The following STT3A variants were observed in gnomAD, a reference collection of about 807,000 sequenced individuals.
STT3A encodes dolichyl-diphosphooligosaccharide--protein glycosyltransferase subunit STT3A.
In STT3A, 34 loss-of-function variants were observed where a neutral mutation model predicts 89.2. The ratio of observed to expected loss-of-function variants is 0.38; its 90% confidence interval spans 0.29 to 0.51. STT3A has a LOEUF of 0.51. Ranked by LOEUF, STT3A falls within the 20% of genes least tolerant of loss-of-function variation. The pLI is 0.89. For synonymous variants in STT3A, 282 were observed against 310.3 expected, an observed-to-expected ratio of 0.91 and a Z score of 0.96; for missense variants, 555 against 889.5, an observed-to-expected ratio of 0.62 and a Z score of 4.78.
In STT3A at chr11:125,596,010, G is replaced by T. The variant is rs79017058; in HGVS notation, c.88+7G>T. ...TCAATGGCTGCTGTATTATGTGAGT[G>T]TGCATGTGAACCTCTCTTTCTTTGG... On this transcript the variant is annotated splice_region_variant and intron_variant, in intron 2 of 17. Coordinates refer to ENST00000392708, the MANE Select transcript of STT3A (RefSeq NM_152713.5). 99,009 of 1,595,324 alleles carry T rather than the reference G, an allele frequency of 0.062. 3,474 individuals are homozygous for T. The highest frequency in any genetic ancestry group is 0.1 in the Middle Eastern group (626 of 6,014).
chr11:125,600,626 G>T lies in STT3A; in HGVS notation c.150-1677G>T, dbSNP rs994934003. Among the ~76,000 whole-genome samples, 5 of 152,040 alleles carry T rather than the reference G, an allele frequency of 3.3e-5. 1 individual carries two copies. In the South Asian group the frequency reaches 1.0e-3, roughly 32 times the overall value. On this transcript the variant is annotated intron_variant, in intron 3 of 17. Coordinates refer to ENST00000392708, the MANE Select transcript of STT3A (RefSeq NM_152713.5). ...GATCCACCTGCCTTGGCCTACTAAA[G>T]TATTGGGATTACAGGTGTTATCTAC... is the stretch of plus-strand genomic sequence containing the variant.
chr11:125,598,263 T>A (rs1939558415), intron 3 of STT3A, among the ~76,000 whole-genome samples: 1 of 151,874 alleles, frequency 6.6e-6, no homozygotes. Flanking sequence ...CTGGGAGTGG[T>A]TATCTAAGGT....
At position 125,618,601 on chromosome 11, in the gene STT3A, T is replaced by C. The variant is rs372878277; in HGVS notation, c.1963+40T>C. The C allele has an allele frequency of 3.3e-5, 51 of 1,555,834 alleles. 1 individual carries two copies. The highest frequency in any genetic ancestry group is 3.9e-5 in the Non-Finnish European group (44 of 1,138,738). ...ATAATATTAATAACAGTAGTAATAA[T>C]AGTGATTACTAATACACAGTATTTT... On this transcript the variant is annotated intron_variant, in intron 16 of 17. Transcript: ENST00000392708.
rs191649100 is a variant in STT3A at position 125,611,835 on chromosome 11, G to T, written c.1209+316G>T. Among the ~76,000 whole-genome samples, 29 of 143,820 alleles carry T rather than the reference G, an allele frequency of 2.0e-4. 1 individual carries two copies. Among genetic ancestry groups the T allele is most frequent in the African/African-American group, 6.9e-4 (27 of 39,084 alleles). 94.4% of individuals were successfully genotyped at this position (143,820 alleles called of 152,430 possible). On this transcript the variant is annotated intron_variant, in intron 11 of 17. Transcript: ENST00000392708. ...CTTGAAGGCTTGGGAGTATTACCCAGTGCTAGATTGTTAGAGGAGGGATTT... is the reference window on the plus strand; with the variant it reads ...CTTGAAGGCTTGGGAGTATTACCCATTGCTAGATTGTTAGAGGAGGGATTT...
At chr11:125,600,032 A>G (rs1278382203) in intron 3 of STT3A, among the ~76,000 whole-genome samples, 1 of 148,986 alleles carries the variant, frequency 6.7e-6, no homozygotes. Flanking sequence ...CCGGCCTCTT[A>G]TTTATTTTTA....
intron 1 of STT3A, chr11:125,594,881 G>C (rs1939442356): frequency 6.6e-6 from 1 of 152,138 alleles, no homozygotes; most frequent in African/African-American, 2.4e-5. Flanking sequence ...GAGAAGCCTT[G>C]AGACAGATGA....
chr11:125,608,714 A>AT (rs772197995), intron 9 of STT3A, among the ~76,000 whole-genome samples: 12 of 152,136 alleles, frequency 7.9e-5, no homozygotes, highest in South Asian at 4.2e-4. Context: ...ACAAAAGATT[A>AT]TTTTTTTCTT....
intron 1 of STT3A, among the ~76,000 whole-genome samples, chr11:125,594,086 A>G (rs1389659575): frequency 2.0e-5 from 3 of 151,952 alleles, no homozygotes; most frequent in East Asian, 3.8e-4. Context: ...TTCCTAAGAC[A>G]AAAAAAATAA....
intron 16 of STT3A, among the ~76,000 whole-genome samples, chr11:125,618,853 G>T (rs1591382294): frequency 6.6e-6 from 1 of 151,834 alleles, no homozygotes; most frequent in African/African-American, 2.4e-5. Flanking sequence ...TCCTGCTTCA[G>T]CCTCTTGAGT....
At chr11:125,604,121 T>A in intron 5 of STT3A, 36 bp from the exon 6 acceptor site, 1 of 1,599,998 alleles carries the variant, frequency 6.3e-7, no homozygotes, top group South Asian at 1.1e-5. Context: ...AGCATTGTAT[T>A]GGTGTTAATG....
In STT3A at chr11:125,614,179, T is replaced by C; in HGVS notation, c.1647T>C (p.Asn549=). 1.9e-6 allele frequency: 3 copies of C among 1,614,184 alleles called. No homozygotes were observed. Among genetic ancestry groups the C allele is most frequent in the Non-Finnish European group, 2.5e-6 (3 of 1,180,008 alleles). Residue 549 remains asparagine, a synonymous_variant, in exon 14 of 18, where the codon AAT becomes AAC. Transcript: ENST00000392708. The surrounding 1 kb of genome is among the most constrained non-coding windows in gnomAD (Gnocchi z 4.9). ...TAGTGGACAATAACACATGGAATAA[T>C]ACCCATATTTCTCGAGTAGGGCAGG... is the stretch of plus-strand genomic sequence containing the variant. ...TILVDNNTWN[N]THISRVGQAM... is the part of the protein sequence containing the mutation.
chr11:125,619,375 G>A (rs1940280349), intron 16 of STT3A, among the ~76,000 whole-genome samples: 1 of 151,994 alleles, frequency 6.6e-6, no homozygotes. Context: ...TTTTATATAT[G>A]AGGAAATTGA....
At chr11:125,602,570 C>T (rs1030593295) in intron 4 of STT3A, 146 bp downstream of exon 4, 1 of 1,140,630 alleles carries the variant, frequency 8.8e-7, no homozygotes, top group Non-Finnish European at 1.2e-6. Context: ...GTGCATCTTA[C>T]ATAAACAGGA....
At position 125,618,439 on chromosome 11, in the gene STT3A, A is replaced by G. The variant is rs1392524982; in HGVS notation, c.1841A>G (p.Glu614Gly). The change falls in exon 16 of 18, where the codon GAG becomes GGG. Residue 614 changes from glutamate to glycine, a missense_variant. Coordinates refer to ENST00000392708, the MANE Select transcript of STT3A (RefSeq NM_152713.5). ...GSTDTGKHIK[E>G]NDYYTPTGEF... ...ACAGATACAGGCAAACATATCAAGGAGAATGACTATTATACTCCAACTGGG... is the reference window on the plus strand; with the variant it reads ...ACAGATACAGGCAAACATATCAAGGGGAATGACTATTATACTCCAACTGGG... The G allele has an allele frequency of 6.2e-7, 1 of 1,613,934 alleles. No homozygotes were observed. Among genetic ancestry groups the G allele is most frequent in the Non-Finnish European group, 8.5e-7 (1 of 1,179,994 alleles).
At chr11:125,603,761 C>T (rs542147181) in intron 5 of STT3A, among the ~76,000 whole-genome samples, 1 of 152,260 alleles carries the variant, frequency 6.6e-6, no homozygotes, top group South Asian at 2.1e-4. Flanking sequence ...TAATAATTTT[C>T]TTCCTTTGAT....
intron 16 of STT3A, among the ~76,000 whole-genome samples, 195 bp from the exon 17 acceptor site, chr11:125,619,816 T>C (rs1940295245): frequency 6.6e-6 from 1 of 152,190 alleles, no homozygotes. Flanking sequence ...AAGCATCATC[T>C]TGCATAGAAC....
rs1364450292 is a variant in STT3A at position 125,614,060 on chromosome 11, T to C, written c.1555-27T>C. 2 of 1,601,142 alleles carry C rather than the reference T, an allele frequency of 1.2e-6. No homozygotes were observed. Among genetic ancestry groups the C allele is most frequent in the Admixed American group, 1.7e-5 (1 of 59,888 alleles). On this transcript the variant is annotated intron_variant, in intron 13 of 17. Transcript: ENST00000392708. This position sits in a 1 kb window ranked among gnomAD's most constrained non-coding sequence, Gnocchi z 4.9. ...TTTTTAGAGACAGTGAGAAGCTTGT[T>C]ATTTCCATTTCCCATTCTACTTTCA...
At position 125,622,496 on chromosome 11, in the gene STT3A, G is replaced by T. The variant is rs1940377031; in HGVS notation, c.*1686G>T. 2 of 152,126 alleles carry T rather than the reference G, an allele frequency of 1.3e-5. No homozygotes were observed. The highest frequency in any genetic ancestry group is 2.9e-5 in the Non-Finnish European group (2 of 68,020). 9.4% of individuals were successfully genotyped at this position (152,126 alleles called of 1,614,324 possible). On this transcript the variant is annotated 3_prime_UTR_variant, in exon 18 of 18. Coordinates refer to ENST00000392708, the MANE Select transcript of STT3A (RefSeq NM_152713.5). ...CTTGTCGCTACAGTTGTTGCTCTGAGGATCTTAATTTTGTTACTTTCTAGG... is the reference window on the plus strand; with the variant it reads ...CTTGTCGCTACAGTTGTTGCTCTGATGATCTTAATTTTGTTACTTTCTAGG...
chr11:125,611,242 A>T, intron 10 of STT3A, 186 bp from the exon 11 acceptor site: 1 of 473,454 alleles, frequency 2.1e-6, no homozygotes, highest in Non-Finnish European at 3.8e-6. Flanking sequence ...TTTTTTTGCT[A>T]CTTTAAAGTG....
Sources: allele counts gnomAD v4.1 joint callset (sites outside exome capture counted in the v4.1 genomes callset), GRCh38; gene constraint gnomAD v4.1.1; non-coding constraint Gnocchi (gnomAD v3.1); transcripts MANE v1.5; gene names NCBI Gene and HGNC (gene_info 2026-07-23, HGNC 2026-07-21).